NAPEPLD: variants seen among roughly 807,000 people sequenced by gnomAD.
NAPEPLD encodes the protein N-acyl phosphatidylethanolamine phospholipase D, also known as N-acyl-phosphatidylethanolamine-hydrolyzing phospholipase D.
A neutral mutation model predicts 38.1 loss-of-function variants in NAPEPLD; 23 were observed. The observed-to-expected ratio is 0.60, with a 90% confidence interval of 0.43 to 0.86. NAPEPLD has a LOEUF of 0.86. Among genes scored for constraint, NAPEPLD ranks in the 40% least tolerant of loss-of-function variants. The pLI is 0.00. For synonymous variants in NAPEPLD, 147 were observed against 162.0 expected (o/e 0.91, Z 0.71); for missense variants, 411 against 476.8 (o/e 0.86, Z 1.28).
chr7:103,146,352 A>G (rs1280436425), intron 1 of NAPEPLD, among the ~76,000 whole-genome samples: 3 of 152,194 alleles, frequency 2.0e-5, no homozygotes, highest in African/African-American at 7.2e-5. Context: ...CTCAAAAAAA[A>G]AAAAAAAGAT....
chr7:103,109,032 G>A (rs1026180477), intron 4 of NAPEPLD, among the ~76,000 whole-genome samples: 4 of 152,176 alleles, frequency 2.6e-5, no homozygotes, highest in African/African-American at 9.7e-5. Context: ...AATGCAACAA[G>A]AGCTAACTAT....
At chr7:103,106,300 AGCACAAAACTGG>A (rs1310336924) in intron 4 of NAPEPLD, among the ~76,000 whole-genome samples, 4 of 151,950 alleles carry the variant, frequency 2.6e-5, no homozygotes, top group Admixed American at 2.6e-4. Context: ...CTGGGTTTCA[AGCACAAAACTGG>A]GCGGCAATTT....
intron 1 of NAPEPLD, chr7:103,141,433 T>C: frequency 1.1e-6 from 1 of 899,772 alleles, no homozygotes; most frequent in Non-Finnish European, 1.9e-6. Flanking sequence ...AGCTCTTGTG[T>C]GCTTCCTTGG....
At chr7:103,113,305 T>C (rs1234356670) in intron 4 of NAPEPLD, among the ~76,000 whole-genome samples, 1 of 152,214 alleles carries the variant, frequency 6.6e-6, no homozygotes, top group Non-Finnish European at 1.5e-5. Context: ...TAGTCATTAT[T>C]CTATTCCTTC....
intron 4 of NAPEPLD, among the ~76,000 whole-genome samples, chr7:103,110,668 C>T: frequency 6.6e-6 from 1 of 152,182 alleles, no homozygotes; most frequent in East Asian, 1.9e-4. Context: ...AAAACCAGCA[C>T]AAGACAAGGA....
In NAPEPLD at chr7:103,119,917, C is replaced by T. The variant is rs1806293381; in HGVS notation, c.601G>A (p.Glu201Lys). The part of the protein sequence containing the change: ...LDYNSVIALN[E>K]RFGNELRWFV... ...CATCTCAACTCATTACCAAATCGCT[C>T]ATTCAAAGCAATGACAGAATTGTAG... Residue 201 changes from glutamate to lysine, a missense_variant, in exon 3 of 5, where the codon GAG becomes AAG. Physicochemically the swap from Glu to Lys is moderately conservative, Grantham distance 56. Coordinates refer to ENST00000465647, the MANE Select transcript of NAPEPLD (RefSeq NM_001122838.3). 6.2e-7 allele frequency: 1 copy of T among 1,614,204 alleles called. No individual in the cohort carries two copies. The highest frequency in any genetic ancestry group is 1.7e-5 in the Admixed American group (1 of 60,024).
rs1813157026 is a variant in NAPEPLD at position 103,148,894 on chromosome 7, A to AG, written c.-101dup. The stretch of plus-strand genomic sequence containing the variant: ...ATCCCAGACAGCTACTCTCCCAAAG[A>AG]GAAAAAAAATAATGCTGTGGCTCTT... On this transcript the variant is annotated 5_prime_UTR_variant, in exon 1 of 5. Coordinates refer to ENST00000465647, the MANE Select transcript of NAPEPLD (RefSeq NM_001122838.3). 11 of 985,390 alleles carry AG rather than the reference A, an allele frequency of 1.1e-5. No individual in the cohort carries two copies. Among genetic ancestry groups the AG allele is most frequent in the Non-Finnish European group, 1.2e-5 (10 of 829,918 alleles). 61.0% of individuals were successfully genotyped at this position (985,390 alleles called of 1,614,324 possible).
intron 3 of NAPEPLD, among the ~76,000 whole-genome samples, chr7:103,117,987 A>T (rs536276867): frequency 7.2e-5 from 11 of 152,352 alleles, no homozygotes; most frequent in Admixed American, 6.5e-4. Flanking sequence ...GTTCAAAACC[A>T]GTCTAGCCAA....
intron 1 of NAPEPLD, among the ~76,000 whole-genome samples, chr7:103,132,316 G>A (rs186015774): frequency 3.3e-5 from 5 of 152,270 alleles, no homozygotes; most frequent in Admixed American, 1.3e-4. Context: ...GTCAAAAGAT[G>A]AGGAGGCAGT....
At chr7:103,120,270 G>C (rs1160376258) in intron 2 of NAPEPLD, 47 bp from the exon 3 acceptor site, 6 of 1,554,682 alleles carry the variant, frequency 3.9e-6, no homozygotes, top group Non-Finnish European at 4.3e-6. Context: ...AGAAAAAAAA[G>C]TATTATATCA....
At chr7:103,143,906 C>T (rs886909061) in intron 1 of NAPEPLD, among the ~76,000 whole-genome samples, 1 of 152,184 alleles carries the variant, frequency 6.6e-6, no homozygotes, top group Non-Finnish European at 1.5e-5. Flanking sequence ...CAGCCTTGAA[C>T]TCCTGGCCTC....
chr7:103,145,983 A>ATG (rs1812465119), intron 1 of NAPEPLD, among the ~76,000 whole-genome samples: 4 of 152,090 alleles, frequency 2.6e-5, no homozygotes, highest in African/African-American at 9.7e-5. Flanking sequence ...ACACACACAC[A>ATG]CACACGCACG....
At position 103,101,999 on chromosome 7, in the gene NAPEPLD, T is replaced by TCCCCCCCCCCCCCCCCCCACCCC. The variant is rs76739012; in HGVS notation, c.*1429_*1430insGGGGTGGGGGGGGGGGGGGGGGG. 1 of 124,676 alleles carries TCCCCCCCCCCCCCCCCCCACCCC rather than the reference T, an allele frequency of 8.0e-6. No homozygotes were observed. Among genetic ancestry groups the TCCCCCCCCCCCCCCCCCCACCCC allele is most frequent in the Non-Finnish European group, 1.6e-5 (1 of 61,082 alleles). 7.7% of individuals were successfully genotyped at this position (124,676 alleles called of 1,614,324 possible). ...AGGACTAAATCTTATGTCAACTGAC[T>TCCCCCCCCCCCCCCCCCCACCCC]CCCCCCCCGCCCCCCAACCACTGGC... On this transcript the variant is annotated 3_prime_UTR_variant, in exon 5 of 5. Coordinates refer to ENST00000465647, the MANE Select transcript of NAPEPLD (RefSeq NM_001122838.3).
chr7:103,135,421 G>A (rs971730759), intron 1 of NAPEPLD, among the ~76,000 whole-genome samples: 1 of 152,144 alleles, frequency 6.6e-6, no homozygotes, highest in African/African-American at 2.4e-5. Flanking sequence ...ACTCCCAGAG[G>A]CATTTAGGGA....
upstream of NAPEPLD, chr7:103,149,410 AG>A: frequency 8.2e-7 from 1 of 1,217,682 alleles, no homozygotes; most frequent in Non-Finnish European, 1.0e-6. Flanking sequence ...TCCTAACCCG[AG>A]CCCGCCGCGC....
chr7:103,123,554 T>C (rs1318450920), intron 2 of NAPEPLD, among the ~76,000 whole-genome samples: 1 of 152,220 alleles, frequency 6.6e-6, no homozygotes, highest in Non-Finnish European at 1.5e-5. Context: ...TCAAGTACTT[T>C]AGCATAACAC....
chr7:103,132,012 C>T (rs1476977733), intron 1 of NAPEPLD, among the ~76,000 whole-genome samples: 2 of 151,776 alleles, frequency 1.3e-5, no homozygotes, highest in Non-Finnish European at 2.9e-5. Flanking sequence ...AACTTGGGAG[C>T]CTGAGGCAGG....
chr7:103,145,645 C>T (rs148398643), intron 1 of NAPEPLD, among the ~76,000 whole-genome samples: 2 of 152,302 alleles, frequency 1.3e-5, no homozygotes, highest in African/African-American at 4.8e-5. Context: ...CATTCCATGA[C>T]AGAAGTCATC....
chr7:103,117,616 T>C (rs1324599016), intron 3 of NAPEPLD, among the ~76,000 whole-genome samples: 1 of 152,174 alleles, frequency 6.6e-6, no homozygotes, highest in Non-Finnish European at 1.5e-5. Flanking sequence ...TTATTCAATA[T>C]CTTATTTCTA....
Sources: allele counts gnomAD v4.1 joint callset (sites outside exome capture counted in the v4.1 genomes callset), GRCh38; gene constraint gnomAD v4.1.1; transcripts MANE v1.5; gene names NCBI Gene and HGNC (gene_info 2026-07-23, HGNC 2026-07-21).